Variants in SHISA9 observed in about 807,000 individuals in gnomAD.
SHISA9 encodes the protein shisa family member 9.
In SHISA9, 13 loss-of-function variants were observed where a neutral mutation model predicts 38.0. That is an observed-to-expected ratio of 0.34 (90% CI 0.22 to 0.54). The LOEUF (loss-of-function observed/expected upper bound fraction) is 0.54, where lower values mean the gene tolerates loss of function less well. Ranked by LOEUF, SHISA9 falls within the 20% of genes least tolerant of loss-of-function variation. The pLI is 0.91. For missense variants in SHISA9, 538 were observed against 575.8 expected (o/e 0.93, Z 0.67); for synonymous variants, 275 against 242.0 (o/e 1.14, Z -1.27).
intron 4 of SHISA9, among the ~76,000 whole-genome samples, chr16:13,229,265 A>C (rs963844461): frequency 4.6e-5 from 7 of 152,248 alleles, no homozygotes; most frequent in African/African-American, 1.7e-4. Flanking sequence ...CTAGTGAGTG[A>C]GACGGATGAT....
At chr16:12,931,741 G>A (rs1252818529) in intron 2 of SHISA9, among the ~76,000 whole-genome samples, 1 of 152,146 alleles carries the variant, frequency 6.6e-6, no homozygotes, top group Non-Finnish European at 1.5e-5. Flanking sequence ...ATAGTGCTGT[G>A]ATGAACATAC....
chr16:13,443,690 T>C, the SHISA9 span, among the ~76,000 whole-genome samples: 1 of 152,324 alleles, frequency 6.6e-6, no homozygotes, highest in East Asian at 1.9e-4. Flanking sequence ...AAAACTTTCA[T>C]TTATTGCCTT....
At chr16:13,486,745 C>T in the SHISA9 span, among the ~76,000 whole-genome samples, 1 of 152,242 alleles carries the variant, frequency 6.6e-6, no homozygotes, top group African/African-American at 2.4e-5. Context: ...GCTCTTGTTG[C>T]CCAGGCTGGA....
At chr16:13,210,187 A>C (rs549252174) in intron 3 of SHISA9, among the ~76,000 whole-genome samples, 2 of 152,318 alleles carry the variant, frequency 1.3e-5, no homozygotes, top group African/African-American at 4.8e-5. Flanking sequence ...TCACCCTTTC[A>C]CCCTTTTATG....
intron 2 of SHISA9, among the ~76,000 whole-genome samples, chr16:13,063,043 G>A (rs1401904904): frequency 6.6e-6 from 1 of 151,812 alleles, no homozygotes; most frequent in Non-Finnish European, 1.5e-5. Flanking sequence ...GTCTTGCTCT[G>A]TCACCCAGGC....
chr16:13,162,475 T>G (rs567777764), intron 2 of SHISA9, among the ~76,000 whole-genome samples: 1 of 152,342 alleles, frequency 6.6e-6, no homozygotes, highest in South Asian at 2.1e-4. Context: ...CATCAATCAC[T>G]GCGCTGAGCA....
intron 2 of SHISA9, among the ~76,000 whole-genome samples, chr16:13,077,906 G>A (rs188730879): frequency 6.6e-6 from 1 of 152,256 alleles, no homozygotes; most frequent in African/African-American, 2.4e-5. Context: ...GATTGCCTAT[G>A]AGGACATACA....
the SHISA9 span, among the ~76,000 whole-genome samples, chr16:13,553,505 G>T: frequency 6.6e-6 from 1 of 152,120 alleles, no homozygotes; most frequent in African/African-American, 2.4e-5. Flanking sequence ...ATTCGATCTT[G>T]TGTCCATGTG....
intron 2 of SHISA9, among the ~76,000 whole-genome samples, chr16:12,991,265 T>A (rs185346540): frequency 6.6e-6 from 1 of 152,374 alleles, no homozygotes; most frequent in Admixed American, 6.5e-5. Flanking sequence ...AGATCTTTTT[T>A]TGTATTTCAA....
the SHISA9 span, among the ~76,000 whole-genome samples, chr16:13,308,815 A>G: frequency 1.5e-3 from 227 of 152,370 alleles, no homozygotes; most frequent in African/African-American, 5.4e-3. Context: ...AAATAATTAA[A>G]TCGCCATAAG....
chr16:12,986,899 A>G (rs2072317880), intron 2 of SHISA9, among the ~76,000 whole-genome samples: 1 of 152,238 alleles, frequency 6.6e-6, no homozygotes, highest in Non-Finnish European at 1.5e-5. Flanking sequence ...AGTCTGGCTC[A>G]AGGGCCTGAG....
intron 2 of SHISA9, among the ~76,000 whole-genome samples, chr16:13,177,277 A>G (rs990994042): frequency 1.3e-5 from 2 of 152,188 alleles, no homozygotes; most frequent in African/African-American, 4.8e-5. Flanking sequence ...TGGACCAGAA[A>G]CAAAACCTAG....
intron 4 of SHISA9, among the ~76,000 whole-genome samples, chr16:13,226,927 A>G (rs985994823): frequency 8.5e-5 from 13 of 152,214 alleles, no homozygotes; most frequent in Admixed American, 3.3e-4. Context: ...ATGCCAGGAC[A>G]TATTCAAGGC....
At chr16:13,508,733 G>A in the SHISA9 span, among the ~76,000 whole-genome samples, 1 of 152,198 alleles carries the variant, frequency 6.6e-6, no homozygotes, top group Non-Finnish European at 1.5e-5. Context: ...CAGAAATGTG[G>A]ATGTATTTTC....
At chr16:13,562,852 A>G in the SHISA9 span, 1 of 151,936 alleles carries the variant, frequency 6.6e-6, no homozygotes, top group Non-Finnish European at 1.5e-5. Context: ...TTATTAATAT[A>G]CTCATAGAAA....
At chr16:13,006,680 GACA>G (rs1313491366) in intron 2 of SHISA9, among the ~76,000 whole-genome samples, 3 of 152,188 alleles carry the variant, frequency 2.0e-5, no homozygotes, top group Admixed American at 6.5e-5. Flanking sequence ...TAGACATTGT[GACA>G]ACAAGACTGT....
chr16:13,129,338 C>T (rs1202411637), intron 2 of SHISA9, among the ~76,000 whole-genome samples: 1 of 152,188 alleles, frequency 6.6e-6, no homozygotes, highest in Admixed American at 6.5e-5. Flanking sequence ...GGGACTCAGG[C>T]AGCTTTCATC....
chr16:13,141,335 A>G (rs1242241503), intron 2 of SHISA9, among the ~76,000 whole-genome samples: 2 of 152,058 alleles, frequency 1.3e-5, no homozygotes, highest in East Asian at 1.9e-4. Flanking sequence ...CTTGAACCCT[A>G]CACACAATCT....
At chr16:13,047,246 T>G (rs1212260071) in intron 2 of SHISA9, among the ~76,000 whole-genome samples, 1 of 152,000 alleles carries the variant, frequency 6.6e-6, no homozygotes, top group Non-Finnish European at 1.5e-5. Context: ...CTGCCCCTTC[T>G]GCCCATCATG....
Sources: gnomAD v4.1 joint callset for allele counts (sites outside exome capture counted in the v4.1 genomes callset) on GRCh38, gnomAD v4.1.1 for gene constraint, MANE v1.5 for transcripts, NCBI Gene and HGNC (gene_info 2026-07-23, HGNC 2026-07-21) for gene names.